Variants in CAPN14 observed in about 807,000 individuals in gnomAD.
CAPN14 encodes calpain 14.
CAPN14 carries 94 observed loss-of-function variants against 101.3 expected under a neutral mutation model. The ratio of observed to expected loss-of-function variants is 0.93; its 90% confidence interval spans 0.79 to 1.10. The LOEUF (loss-of-function observed/expected upper bound fraction) is 1.10. Ranked by LOEUF, CAPN14 falls within the 50% of genes least tolerant of loss-of-function variation. The pLI is 0.00. For missense variants in CAPN14, 837 were observed against 828.4 expected (o/e 1.01, Z -0.13); for synonymous variants, 338 against 317.9 (o/e 1.06, Z -0.67).
chr2:31,197,484 G>A (rs1180762379), intron 7 of CAPN14, 150 bp from the exon 8 acceptor site: 9 of 600,914 alleles, frequency 1.5e-5, no homozygotes, highest in Non-Finnish European at 2.7e-5. Context: ...TCTGCTTCTT[G>A]TACTTACAAG....
chr2:31,204,979 G>A (rs1170668485), intron 2 of CAPN14, among the ~76,000 whole-genome samples: 2 of 152,140 alleles, frequency 1.3e-5, no homozygotes, highest in African/African-American at 2.4e-5. Flanking sequence ...ATCTGACACC[G>A]TCTCTAGGTA....
At chr2:31,220,025 C>G (rs369844642), upstream of CAPN14, among the ~76,000 whole-genome samples, 3 of 152,306 alleles carry the variant, frequency 2.0e-5, no homozygotes, top group East Asian at 5.8e-4. Context: ...TCAAAATTCT[C>G]ATTCCTTCAG....
At chr2:31,212,312 C>CAAAAAAAAAAAAAAAAAA (rs72155600) in intron 1 of CAPN14, among the ~76,000 whole-genome samples, 1 of 110,440 alleles carries the variant, frequency 9.1e-6, no homozygotes, top group African/African-American at 3.9e-5. Context: ...CGTCTCAAAA[C>CAAAAAAAAAAAAAAAAAA]AAAAAAAAAA....
At chr2:31,225,901 CAAT>C (rs1327713495) in intron 2 of CAPN14, among the ~76,000 whole-genome samples, 1 of 151,638 alleles carries the variant, frequency 6.6e-6, no homozygotes, top group Non-Finnish European at 1.5e-5. Context: ...AGGAGGAAGA[CAAT>C]GATGAAAATA....
intron 16 of CAPN14, among the ~76,000 whole-genome samples, chr2:31,184,714 C>T (rs1680821526): frequency 1.3e-5 from 2 of 152,342 alleles, no homozygotes. Context: ...GACCCAAGTA[C>T]AATCAACCAC....
chr2:31,206,110 G>A (rs1682075076), intron 1 of CAPN14, among the ~76,000 whole-genome samples: 1 of 146,050 alleles, frequency 6.8e-6, no homozygotes, highest in Non-Finnish European at 1.5e-5. Context: ...TCGGCTCAAT[G>A]CAACCCCTGG....
At chr2:31,191,118 T>C (rs1348672645) in intron 12 of CAPN14, among the ~76,000 whole-genome samples, 1 of 152,224 alleles carries the variant, frequency 6.6e-6, no homozygotes, top group Non-Finnish European at 1.5e-5. Context: ...GGTATTTGTG[T>C]AGGAATTTAA....
intron 13 of CAPN14, 52 bp from the exon 14 acceptor site, chr2:31,188,406 T>A: frequency 6.6e-7 from 1 of 1,522,166 alleles, no homozygotes; most frequent in Non-Finnish European, 8.9e-7. Flanking sequence ...GGGAATTTTT[T>A]GGCCAATCTT....
rs1003349487 is a variant in CAPN14, at chr2:31,193,423, T to C, written c.951-129A>G. On this transcript the variant is annotated intron_variant, in intron 9 of 21. Transcript: ENST00000403897. ...TCATGGACAAAGACACCAGCTCTTGTGCAGAGCTGAGCTGACGATAGGCAC... is the reference window on the plus strand; with the variant it reads ...TCATGGACAAAGACACCAGCTCTTGCGCAGAGCTGAGCTGACGATAGGCAC... 19 of 926,300 alleles carry C rather than the reference T, an allele frequency of 2.1e-5. No homozygotes were observed. In the Admixed American group the frequency reaches 4.5e-4, roughly 22 times the overall value. 57.4% of individuals were successfully genotyped at this position (926,300 alleles called of 1,614,324 possible).
intron 20 of CAPN14, 129 bp downstream of exon 20, chr2:31,176,897 C>G (rs1232832835): frequency 5.4e-6 from 4 of 737,526 alleles, no homozygotes; most frequent in Non-Finnish European, 9.2e-6. Flanking sequence ...GCTGGAGGTC[C>G]CCACAGCTTC....
chr2:31,213,082 A>G (rs753312023), intron 1 of CAPN14, among the ~76,000 whole-genome samples: 6 of 152,258 alleles, frequency 3.9e-5, no homozygotes, highest in Non-Finnish European at 2.9e-5. Context: ...TATCTTGAGC[A>G]GGGATTGTAC....
intron 1 of CAPN14, chr2:31,226,715 A>T (rs1683033100): frequency 6.6e-6 from 1 of 152,186 alleles, no homozygotes; most frequent in African/African-American, 2.4e-5. Flanking sequence ...TTTTGCACTG[A>T]TCAAGCAGCT....
intron 17 of CAPN14, 142 bp downstream of exon 17, chr2:31,180,794 G>A (rs1558611726): frequency 3.0e-6 from 2 of 668,058 alleles, no homozygotes; most frequent in African/African-American, 3.6e-5. Flanking sequence ...ATGAGCATCT[G>A]GATACATAAT....
chr2:31,179,058 T>TTATA (rs1213671682), intron 17 of CAPN14, among the ~76,000 whole-genome samples: 2 of 83,398 alleles, frequency 2.4e-5, no homozygotes, highest in Non-Finnish European at 4.1e-5. Flanking sequence ...CTTTATTGAG[T>TTATA]TCTATATATA....
intron 8 of CAPN14, among the ~76,000 whole-genome samples, chr2:31,195,806 T>A (rs2365209): frequency 0.2 from 30,449 of 152,022 alleles, 3,391 homozygotes; most frequent in East Asian, 0.37. Context: ...CTACCTACTT[T>A]AAAAAAAGTC....
At chr2:31,175,347 C>A (rs1009356730) in intron 21 of CAPN14, among the ~76,000 whole-genome samples, 3 of 152,208 alleles carry the variant, frequency 2.0e-5, no homozygotes, top group African/African-American at 4.8e-5. Context: ...TGTGGGGCAG[C>A]TGAGGCCCAG....
Position 31,180,970 on chromosome 2 carries a change from A to G in CAPN14, c.1676T>C (p.Leu559Pro). The G allele has an allele frequency of 6.4e-7, 1 of 1,551,822 alleles. No individual in the cohort carries two copies. The highest frequency in any genetic ancestry group is 8.7e-7 in the Non-Finnish European group (1 of 1,147,000). ...SLGSRQPFFSLEACQGILALL... is the reference protein window; with the variant it reads ...SLGSRQPFFSPEACQGILALL... ...GGCCAGGATCCCCTGGCAGGCTTCC[A>G]GGCTAAAGAAGGGCTGTCTGCTCCC... The change falls in exon 17 of 22, where the codon CTG becomes CCG. Residue 559 changes from leucine to proline, a missense_variant. Coordinates refer to ENST00000403897, the MANE Select transcript of CAPN14 (RefSeq NM_001145122.2).
intron 1 of CAPN14, among the ~76,000 whole-genome samples, chr2:31,211,333 G>C (rs2148698948): frequency 6.6e-6 from 1 of 152,054 alleles, no homozygotes; most frequent in South Asian, 2.1e-4. Flanking sequence ...TTTACATGTA[G>C]AATATCTAAG....
In CAPN14 at chr2:31,173,946, G is replaced by A. The variant is rs17010832; in HGVS notation, c.*735C>T. The A allele has an allele frequency of 0.049, 7,419 of 152,238 alleles. 457 individuals carry two copies. Among genetic ancestry groups the A allele is most frequent in the African/African-American group, 0.14 (5,911 of 41,494 alleles). The allele number at this position is 152,238 out of a possible 1,614,324, so 9.4% of individuals were successfully genotyped here. On this transcript the variant is annotated 3_prime_UTR_variant, in exon 22 of 22. Transcript: ENST00000403897. ...GAGAATTTCTGGACAGATTTGAAAT[G>A]GATCTGATAGTCTATATATCAAGCA...
Sources: gnomAD v4.1 joint callset for allele counts (sites outside exome capture counted in the v4.1 genomes callset) on GRCh38, gnomAD v4.1.1 for gene constraint, MANE v1.5 for transcripts, NCBI Gene and HGNC (gene_info 2026-07-23, HGNC 2026-07-21) for gene names.